The following PRDM15 variants were observed in gnomAD, a reference collection of about 807,000 sequenced individuals.
The protein encoded by PRDM15 is PR domain zinc finger protein 15.
PRDM15 carries 64 observed loss-of-function variants against 128.6 expected under a neutral mutation model. The ratio of observed to expected loss-of-function variants is 0.50; its 90% confidence interval spans 0.41 to 0.61. The LOEUF (loss-of-function observed/expected upper bound fraction) is 0.61. Among genes scored for constraint, PRDM15 ranks in the 20% least tolerant of loss-of-function variants. PRDM15 has a pLI of 0.00. For missense variants in PRDM15, 1,242 were observed against 1,569.1 expected, an observed-to-expected ratio of 0.79 and a Z score of 3.52; for synonymous variants, 615 against 621.8, an observed-to-expected ratio of 0.99 and a Z score of 0.16.
In PRDM15 at chr21:41,838,040, C is replaced by T. The variant is rs766337936; in HGVS notation, c.895G>A (p.Glu299Lys). 2.1e-5 allele frequency: 34 copies of T among 1,614,156 alleles called. No individual in the cohort carries two copies. The East Asian group carries it at 4.7e-4, about 22-fold the overall frequency. Residue 299 changes from glutamate (E) to lysine (K), a missense_variant, in exon 8 of 24, where the codon GAG becomes AAG. By Grantham distance (56) the Glu-to-Lys change is moderately conservative. Around this residue, in one of 3 missense-constraint regions of PRDM15, gnomAD observed 612 missense variants for 717.0 expected, o/e 0.85. Transcript: ENST00000398548. Reference protein sequence around the residue: ...PTEQVAEIITEVPPDEPVSAT... With the variant: ...PTEQVAEIITKVPPDEPVSAT... Reference sequence around the variant, plus strand: ...CTCACAGGCTCATCCGGAGGGACCTCGGTAATGATCTCTGCCACTTGCTCT... The same window carrying T: ...CTCACAGGCTCATCCGGAGGGACCTTGGTAATGATCTCTGCCACTTGCTCT...
At chr21:41,876,084 C>T (rs757740848) in intron 1 of PRDM15, among the ~76,000 whole-genome samples, 2 of 152,112 alleles carry the variant, frequency 1.3e-5, no homozygotes, top group Non-Finnish European at 2.9e-5. Flanking sequence ...GAAAAGGTAA[C>T]GTAAAAAATG....
intron 21 of PRDM15, among the ~76,000 whole-genome samples, chr21:41,805,808 C>T (rs1417079956): frequency 2.3e-5 from 3 of 131,138 alleles, no homozygotes; most frequent in African/African-American, 5.7e-5. Flanking sequence ...ACACAACCAC[C>T]TCCATCACCA....
At chr21:41,839,553 C>T in intron 7 of PRDM15, 70 bp downstream of exon 7, 1 of 1,371,932 alleles carries the variant, frequency 7.3e-7, no homozygotes, top group Non-Finnish European at 1.0e-6. Flanking sequence ...TGCCCCCTGC[C>T]CCGCCAGCCC....
chr21:41,865,764 TG>T (rs1019302352), intron 1 of PRDM15, among the ~76,000 whole-genome samples: 1 of 152,232 alleles, frequency 6.6e-6, no homozygotes, highest in African/African-American at 2.4e-5. Context: ...CATTTTATTT[TG>T]ACACAGTCTT....
chr21:41,837,965 T>C lies in PRDM15; in HGVS notation c.970A>G (p.Thr324Ala), dbSNP rs769513986. The change falls in exon 8 of 24, where the codon ACC (threonine) becomes GCC (alanine). Residue 324 changes from threonine to alanine, a missense_variant. Physicochemically the swap from Thr to Ala is moderately conservative, Grantham distance 58 (BLOSUM62 0). This residue lies in a region of PRDM15 where 612 missense variants were observed against 717.0 expected (regional missense o/e 0.85). Transcript: ENST00000398548. ...IMELVLGKLA[T>A]TTTDTSSVPK... ...ACCGAGCTGGTGTCAGTGGTGGTGGTGGCCAGCTTCCCCAGAACCAGCTCC... is the reference window on the plus strand; with the variant it reads ...ACCGAGCTGGTGTCAGTGGTGGTGGCGGCCAGCTTCCCCAGAACCAGCTCC... 7 of 1,614,210 alleles carry C rather than the reference T, an allele frequency of 4.3e-6. No individual in the cohort carries two copies. Among genetic ancestry groups the C allele is most frequent in the Non-Finnish European group, 5.9e-6 (7 of 1,180,034 alleles).
rs2063288661 is a variant in PRDM15 at position 41,847,091 on chromosome 21, A to G, written c.639T>C (p.Asn213=). The change falls in exon 6 of 24, where the codon AAT becomes AAC. Residue 213 remains asparagine (N), a splice_region_variant and synonymous_variant. Coordinates refer to ENST00000398548, the MANE Select transcript of PRDM15 (RefSeq NM_001040424.3). ...SATFLELQLL[N]EHLLGHLEQA... ...GGGCTCCCCACACGTCCTCCTTACC[A>G]TTGAGGAGCTGCAGCTCCAGGAAGG... The G allele has an allele frequency of 6.5e-7, 1 of 1,542,498 alleles. No individual in the cohort carries two copies. The highest frequency in any genetic ancestry group is 8.8e-7 in the Non-Finnish European group (1 of 1,138,468).
intron 12 of PRDM15, among the ~76,000 whole-genome samples, chr21:41,827,622 G>C (rs113779858): frequency 6.6e-6 from 1 of 152,146 alleles, no homozygotes; most frequent in African/African-American, 2.4e-5. Flanking sequence ...GATTCCAGGC[G>C]TGAGCCACCA....
chr21:41,876,666 T>C (rs2064429330), intron 1 of PRDM15, among the ~76,000 whole-genome samples: 1 of 152,048 alleles, frequency 6.6e-6, no homozygotes, highest in African/African-American at 2.4e-5. Context: ...GGCAGGGTCT[T>C]CTCCCACTCT....
intron 1 of PRDM15, chr21:41,861,901 T>C: frequency 6.2e-7 from 1 of 1,609,286 alleles, no homozygotes; most frequent in Non-Finnish European, 8.5e-7. Context: ...AACAGCACTG[T>C]ATCTTCTTTT....
At position 41,837,984 on chromosome 21, in the gene PRDM15, C is replaced by A. The variant is rs1337834851; in HGVS notation, c.951G>T (p.Leu317=). The A allele has an allele frequency of 6.2e-7, 1 of 1,614,244 alleles. No individual in the cohort carries two copies. Among genetic ancestry groups the A allele is most frequent in the African/African-American group, 1.3e-5 (1 of 75,070 alleles). ...SATPDERIME[L]VLGKLATTTT... is the part of the protein sequence containing the mutation. ...TGGTGGTGGCCAGCTTCCCCAGAAC[C>A]AGCTCCATGATCCGCTCATCTGGCG... is the stretch of plus-strand genomic sequence containing the variant. Residue 317 remains leucine, a synonymous_variant, in exon 8 of 24, where the codon CTG becomes CTT. Coordinates refer to ENST00000398548, the MANE Select transcript of PRDM15 (RefSeq NM_001040424.3).
chr21:41,860,808 A>C (rs951441739), intron 1 of PRDM15, among the ~76,000 whole-genome samples: 1 of 152,192 alleles, frequency 6.6e-6, no homozygotes, highest in Middle Eastern at 3.2e-3. Context: ...TAAAGAGAGC[A>C]CACAGTGGGG....
In PRDM15 at chr21:41,828,065, G is replaced by A. The variant is rs1178966428; in HGVS notation, c.1534+101C>T. The A allele has an allele frequency of 1.7e-5, 22 of 1,282,966 alleles. No homozygotes were observed. The highest frequency in any genetic ancestry group is 2.6e-4 in the Middle Eastern group (1 of 3,826). 79.5% of individuals were successfully genotyped at this position (1,282,966 alleles called of 1,614,324 possible). A position where few individuals can be genotyped will look rare whatever the true frequency, so the allele number is the denominator to read the frequency against. On this transcript the variant is annotated intron_variant, in intron 12 of 23. Transcript: ENST00000398548. The surrounding 1 kb of genome is among the most constrained non-coding windows in gnomAD (Gnocchi z 5.7). ...TCCAGGCAAAGGAGCAGGCGGCACCGAACTGCTCCCCAAAGGCCCTGCTGA... is the reference window on the plus strand; with the variant it reads ...TCCAGGCAAAGGAGCAGGCGGCACCAAACTGCTCCCCAAAGGCCCTGCTGA...
Position 41,822,661 on chromosome 21 carries a change from G to A in PRDM15, c.1762-624C>T, listed in dbSNP as rs192214928. Among the ~76,000 whole-genome samples, 29 of 152,314 alleles carry A rather than the reference G, an allele frequency of 1.9e-4. No homozygotes were observed. The East Asian group carries it at 4.8e-3, about 25-fold the overall frequency. On this transcript the variant is annotated intron_variant, in intron 14 of 23. Transcript: ENST00000398548. ...TTGAACCCTCCCAAATTCCCATGTT[G>A]AATCCTAACTCACCAGGAAATGGTA...
intron 18 of PRDM15, among the ~76,000 whole-genome samples, chr21:41,818,980 G>T (rs1171257756): frequency 6.6e-6 from 1 of 152,084 alleles, no homozygotes; most frequent in Admixed American, 6.5e-5. Context: ...ATACGCTGAG[G>T]GTTTTGCATC....
Position 41,804,549 on chromosome 21 carries a change from G to A in PRDM15, c.2718C>T (p.Ser906=). 1 of 1,568,852 alleles carries A rather than the reference G, an allele frequency of 6.4e-7. No homozygotes were observed. The highest frequency in any genetic ancestry group is 8.6e-7 in the Non-Finnish European group (1 of 1,156,440). ...LPETTTIDAS[S]IGIVQPELTL... Reference sequence around the variant, plus strand: ...TGCTGCTCACCTGGACGATGCCAATGGAGGAGGCGTCGATGGTGGTGGTCT... The same window carrying A: ...TGCTGCTCACCTGGACGATGCCAATAGAGGAGGCGTCGATGGTGGTGGTCT... The change falls in exon 22 of 24, where the codon TCC becomes TCT. Residue 906 remains serine (S), a synonymous_variant. Transcript: ENST00000398548.
rs144512432 is a variant in PRDM15 at position 41,854,794 on chromosome 21, C to T, written c.310G>A (p.Val104Met). Residue 104 changes from valine to methionine, a missense_variant, in exon 5 of 24, where the codon GTG (valine) becomes ATG (methionine). This residue lies in a region of PRDM15 where 612 missense variants were observed against 717.0 expected (regional missense o/e 0.85). Coordinates refer to ENST00000398548, the MANE Select transcript of PRDM15 (RefSeq NM_001040424.3). This position sits in a 1 kb window ranked among gnomAD's most constrained non-coding sequence, Gnocchi z 4.6. ...TCCTCGTTGGAGGTGTCGAAGCACA[C>T]GGGGTGCCCGTCCTTCTGGAACACC... ...LKVFQKDGHP[V>M]CFDTSNEDDC... The T allele has an allele frequency of 2.5e-5, 40 of 1,604,258 alleles. No homozygotes were observed. The highest frequency in any genetic ancestry group is 5.0e-5 in the Admixed American group (3 of 59,802).
Position 41,857,307 on chromosome 21 carries a change from C to G in PRDM15, c.154G>C (p.Glu52Gln). Reference sequence around the variant, plus strand: ...GCTCCATCTTCCAGTCGTCTGATCTCCAAGTTGGGAGGAAGGGATGACCTG... The same window carrying G: ...GCTCCATCTTCCAGTCGTCTGATCTGCAAGTTGGGAGGAAGGGATGACCTG... ...RARSSLPPNL[E>Q]IRRLEDGAEG... The change falls in exon 4 of 24, where the codon GAG (glutamate) becomes CAG (glutamine). Residue 52 changes from glutamate to glutamine, a missense_variant. Transcript: ENST00000398548. 6.2e-7 allele frequency: 1 copy of G among 1,613,842 alleles called. No individual in the cohort carries two copies. The highest frequency in any genetic ancestry group is 8.5e-7 in the Non-Finnish European group (1 of 1,180,020).
chr21:41,827,719 T>C (rs1334729506), intron 12 of PRDM15, among the ~76,000 whole-genome samples: 1 of 152,232 alleles, frequency 6.6e-6, no homozygotes, highest in African/African-American at 2.4e-5. Context: ...AATTATAAAA[T>C]AATTTTTTCC....
At position 41,810,308 on chromosome 21, in the gene PRDM15, G is replaced by A; in HGVS notation, c.2498C>T (p.Ser833Phe). 1 of 1,613,244 alleles carries A rather than the reference G, an allele frequency of 6.2e-7. No homozygotes were observed. The highest frequency in any genetic ancestry group is 8.5e-7 in the Non-Finnish European group (1 of 1,179,816). ...IHTVGKQWTC[S>F]VCDKKYVTEY... ...GGTCACGTACTTCTTGTCGCACACG[G>A]AGCACGTCCACTGCTTGCCCACTTT... The change falls in exon 21 of 24, where the codon TCC (serine) becomes TTC (phenylalanine). Residue 833 changes from serine (S) to phenylalanine (F), a missense_variant. By Grantham distance (155) the Ser-to-Phe change is radical. Transcript: ENST00000398548. This position sits in a 1 kb window ranked among gnomAD's most constrained non-coding sequence, Gnocchi z 6.4.
Sources: gnomAD v4.1 joint callset for allele counts (sites outside exome capture counted in the v4.1 genomes callset) on GRCh38, gnomAD v4.1.1 for gene constraint, gnomAD v4.1.1 regional missense constraint, Gnocchi (gnomAD v3.1) non-coding constraint, MANE v1.5 for transcripts, NCBI Gene and HGNC (gene_info 2026-07-23, HGNC 2026-07-21) for gene names.